The following CDH4 variants were observed in gnomAD, a reference collection of about 807,000 sequenced individuals.
CDH4 encodes the protein cadherin 4, also known as cadherin-4.
A neutral mutation model predicts 86.0 loss-of-function variants in CDH4; 33 were observed. That is an observed-to-expected ratio of 0.38 (90% confidence interval 0.29 to 0.51). CDH4 has a LOEUF of 0.51. CDH4 is among the 20% of genes least tolerant of loss of function. CDH4 has a pLI of 0.86. For missense variants in CDH4, 1,114 were observed against 1,307.4 expected, an observed-to-expected ratio of 0.85 and a Z score of 2.28; for synonymous variants, 555 against 549.4, an observed-to-expected ratio of 1.01 and a Z score of -0.14.
intron 2 of CDH4, chr20:61,740,794 G>C (rs1411009921): frequency 6.6e-6 from 1 of 152,248 alleles, no homozygotes; most frequent in African/African-American, 2.4e-5. Context: ...GTCGTGTTTG[G>C]AGCGGAACAC....
At chr20:61,449,237 A>C (rs1246468770) in intron 2 of CDH4, among the ~76,000 whole-genome samples, 1 of 150,912 alleles carries the variant, frequency 6.6e-6, no homozygotes, top group African/African-American at 2.5e-5. Context: ...TGGTGCATTT[A>C]TCTCCACGGG....
At chr20:61,583,441 G>A (rs1450411980) in intron 2 of CDH4, among the ~76,000 whole-genome samples, 4 of 152,082 alleles carry the variant, frequency 2.6e-5, no homozygotes, top group South Asian at 2.1e-4. Context: ...GAGGGGAGAC[G>A]GGGGTTGTCA....
At chr20:61,481,658 C>T (rs1484744024) in intron 2 of CDH4, among the ~76,000 whole-genome samples, 1 of 152,194 alleles carries the variant, frequency 6.6e-6, no homozygotes, top group African/African-American at 2.4e-5. Flanking sequence ...AGGCTCCTTG[C>T]TAGAGCACAA....
At chr20:61,771,670 G>A (rs1422176186) in intron 3 of CDH4, among the ~76,000 whole-genome samples, 2 of 150,368 alleles carry the variant, frequency 1.3e-5, no homozygotes, top group African/African-American at 2.4e-5. Flanking sequence ...GATGCTGTAT[G>A]TATGCTTTGG....
chr20:61,846,867 C>G (rs1027740587), intron 5 of CDH4, among the ~76,000 whole-genome samples: 1 of 151,844 alleles, frequency 6.6e-6, no homozygotes, highest in African/African-American at 2.4e-5. Flanking sequence ...CAAGGGGCAC[C>G]AGGAGAGCTG....
intron 2 of CDH4, among the ~76,000 whole-genome samples, chr20:61,273,035 G>C (rs1302157524): frequency 2.0e-5 from 2 of 97,692 alleles, no homozygotes; most frequent in East Asian, 7.3e-4. Context: ...GTGCAGTTTG[G>C]GGGAGGACCA....
At chr20:61,425,497 C>T (rs560597261) in intron 2 of CDH4, among the ~76,000 whole-genome samples, 2 of 152,316 alleles carry the variant, frequency 1.3e-5, no homozygotes, top group Admixed American at 6.5e-5. Context: ...GACCCCTGAG[C>T]AGGACGTGGG....
chr20:61,447,772 T>A (rs567663596), intron 2 of CDH4, among the ~76,000 whole-genome samples: 2 of 152,244 alleles, frequency 1.3e-5, no homozygotes, highest in East Asian at 1.9e-4. Flanking sequence ...CTTTTGCCTG[T>A]ATCTTCAAAC....
At chr20:61,324,335 G>T (rs1214658378) in intron 2 of CDH4, among the ~76,000 whole-genome samples, 1 of 150,074 alleles carries the variant, frequency 6.7e-6, no homozygotes, top group Non-Finnish European at 1.5e-5. Context: ...TCCCAAACTG[G>T]GGGGGCTTAA....
At chr20:61,882,816 G>A (rs1004179186) in intron 7 of CDH4, among the ~76,000 whole-genome samples, 5 of 151,760 alleles carry the variant, frequency 3.3e-5, no homozygotes, top group Admixed American at 2.0e-4. Flanking sequence ...GGCATGGGCC[G>A]CCCCAGCCCC....
intron 6 of CDH4, among the ~76,000 whole-genome samples, chr20:61,864,874 G>A (rs6089530): frequency 0.12 from 17,655 of 152,204 alleles, 1,232 homozygotes; most frequent in South Asian, 0.21. Context: ...CCCTGGCTGT[G>A]GTCCTCTCTG....
chr20:61,440,737 C>A (rs569238091), intron 2 of CDH4, among the ~76,000 whole-genome samples: 1 of 152,194 alleles, frequency 6.6e-6, no homozygotes, highest in Non-Finnish European at 1.5e-5. Context: ...CCGTGGCGGG[C>A]GCCATGGAGG....
At chr20:61,693,894 T>TC (rs2087688376) in intron 2 of CDH4, among the ~76,000 whole-genome samples, 1 of 140,990 alleles carries the variant, frequency 7.1e-6, no homozygotes, top group East Asian at 2.1e-4. Flanking sequence ...CTTTTTTTTT[T>TC]TTTTTTTTTT....
At position 61,879,711 on chromosome 20, in the gene CDH4, T is replaced by C. The variant is rs1984196888; in HGVS notation, c.1050+5811T>C. On this transcript the variant is annotated intron_variant, in intron 7 of 15. Coordinates refer to ENST00000614565, the MANE Select transcript of CDH4 (RefSeq NM_001794.5). This position sits in a 1 kb window ranked among gnomAD's most constrained non-coding sequence, Gnocchi z 4.1. ...TTATGGCCTAATGAGGAGGTGAACG[T>C]GCCGCCCGAGCCCCGTCCTGAAGGT... 1.3e-5 allele frequency among the ~76,000 whole-genome samples: 2 copies of C among 152,238 alleles called. No individual in the cohort carries two copies. Among genetic ancestry groups the C allele is most frequent in the South Asian group, 4.1e-4 (2 of 4,822 alleles).
At chr20:61,648,312 G>A (rs1037390361) in intron 2 of CDH4, among the ~76,000 whole-genome samples, 1 of 152,178 alleles carries the variant, frequency 6.6e-6, no homozygotes, top group Non-Finnish European at 1.5e-5. Flanking sequence ...AGAGGCACCC[G>A]CAGCTGGTGA....
At chr20:61,419,544 G>A (rs980362729) in intron 2 of CDH4, among the ~76,000 whole-genome samples, 3 of 152,178 alleles carry the variant, frequency 2.0e-5, no homozygotes, top group South Asian at 2.1e-4. Context: ...AGAGGGGATC[G>A]TTTGGCTTCC....
intron 8 of CDH4, 85 bp from the exon 9 acceptor site, chr20:61,910,337 T>G: frequency 1.9e-5 from 23 of 1,196,274 alleles, no homozygotes; most frequent in Non-Finnish European, 2.6e-5. Flanking sequence ...GAACACTCGT[T>G]GAGCTGCACA....
intron 2 of CDH4, among the ~76,000 whole-genome samples, chr20:61,720,169 C>T (rs180720461): frequency 5.9e-5 from 9 of 152,202 alleles, no homozygotes; most frequent in East Asian, 1.9e-4. Flanking sequence ...GGCATGTTCA[C>T]GTAAGTTGAC....
rs905165190 is a variant in CDH4 at position 61,253,000 on chromosome 20, G to A, written c.57+430G>A. ...AGCCCCGGCCGTGGCTGAAGGCGTG[G>A]GGCGCCCGGCGGCTGCGGGCCAGGG... On this transcript the variant is annotated intron_variant, in intron 1 of 15. Transcript: ENST00000614565. This position sits in a 1 kb window ranked among gnomAD's most constrained non-coding sequence, Gnocchi z 4.4. Among the ~76,000 whole-genome samples the A allele has an allele frequency of 1.3e-5, 2 of 151,732 alleles. No homozygotes were observed.
Sources: gnomAD v4.1 joint callset for allele counts (sites outside exome capture counted in the v4.1 genomes callset) on GRCh38, gnomAD v4.1.1 for gene constraint, Gnocchi (gnomAD v3.1) non-coding constraint, MANE v1.5 for transcripts, NCBI Gene and HGNC (gene_info 2026-07-23, HGNC 2026-07-21) for gene names.